ACTR3C: variants seen among roughly 807,000 people sequenced by gnomAD.
ACTR3C encodes actin-related protein 3C.
Under a neutral mutation model 26.3 loss-of-function variants are expected in ACTR3C, and 18 were observed. The ratio of observed to expected loss-of-function variants is 0.68; its 90% CI spans 0.47 to 1.01. The LOEUF is 1.01. ACTR3C is among the 50% of genes least tolerant of loss of function. ACTR3C has a pLI of 0.00. For missense variants in ACTR3C, 184 were observed against 250.7 expected, an observed-to-expected ratio of 0.73 and a Z score of 1.80; for synonymous variants, 55 against 94.5, an observed-to-expected ratio of 0.58 and a Z score of 2.42.
At chr7:150,021,209 T>C in the ACTR3C span, among the ~76,000 whole-genome samples, 7 of 151,882 alleles carry the variant, frequency 4.6e-5, no homozygotes, top group East Asian at 1.2e-3. Context: ...GTCAGTGCCC[T>C]AGCTGCAGAC....
the ACTR3C span, among the ~76,000 whole-genome samples, chr7:149,936,117 G>A: frequency 2.6e-5 from 4 of 152,288 alleles, no homozygotes; most frequent in South Asian, 2.1e-4. Flanking sequence ...GTGACAGAAC[G>A]AGGTAGGTTT....
At chr7:150,264,082 G>C (rs925353227) in intron 6 of ACTR3C, among the ~76,000 whole-genome samples, 6 of 152,154 alleles carry the variant, frequency 3.9e-5, no homozygotes, top group African/African-American at 1.4e-4. Flanking sequence ...ACCACCCCAC[G>C]AGTAGGCCCC....
the ACTR3C span, among the ~76,000 whole-genome samples, chr7:150,226,207 G>A: frequency 6.6e-6 from 1 of 152,146 alleles, no homozygotes; most frequent in African/African-American, 2.4e-5. Flanking sequence ...CCTTTGGGTA[G>A]ATATCTAGGA....
At chr7:150,008,551 C>T in the ACTR3C span, among the ~76,000 whole-genome samples, 4 of 152,128 alleles carry the variant, frequency 2.6e-5, no homozygotes, top group African/African-American at 9.7e-5. Context: ...CTCAGGAAAG[C>T]ACGAGTTTCT....
At chr7:150,041,874 GT>G in the ACTR3C span, among the ~76,000 whole-genome samples, 151 of 144,326 alleles carry the variant, frequency 1.0e-3, no homozygotes, top group African/African-American at 3.8e-3. Context: ...TCTCGTGAGG[GT>G]TGCCTCCCCC....
the ACTR3C span, among the ~76,000 whole-genome samples, chr7:150,073,267 G>A: frequency 4.6e-5 from 7 of 152,074 alleles, no homozygotes; most frequent in Non-Finnish European, 8.8e-5. Context: ...TGCAGAAGAC[G>A]GACAAGTGCT....
the ACTR3C span, among the ~76,000 whole-genome samples, chr7:150,034,638 T>TCGGAC: frequency 1.5e-3 from 219 of 150,474 alleles, 1 homozygote; most frequent in African/African-American, 4.9e-3. Context: ...CGAGCTGCCT[T>TCGGAC]CGGACCCGTC....
chr7:150,144,429 T>G, the ACTR3C span, among the ~76,000 whole-genome samples: 3 of 152,198 alleles, frequency 2.0e-5, no homozygotes, highest in Non-Finnish European at 4.4e-5. The surrounding 1 kb of genome is among the most constrained non-coding windows in gnomAD (Gnocchi z 4.6). Context: ...TAATTTATAT[T>G]TTATTACCTG....
the ACTR3C span, among the ~76,000 whole-genome samples, chr7:150,160,939 T>C: frequency 6.8e-6 from 1 of 147,080 alleles, no homozygotes; most frequent in Non-Finnish European, 1.5e-5. Flanking sequence ...TCCATGAGGG[T>C]CCCATGGTGG....
chr7:150,063,542 G>T, the ACTR3C span, among the ~76,000 whole-genome samples: 1 of 151,498 alleles, frequency 6.6e-6, no homozygotes, highest in African/African-American at 2.5e-5. Context: ...CTCTTGTACA[G>T]TGTACTTACT....
chr7:150,030,701 C>T, the ACTR3C span, among the ~76,000 whole-genome samples: 1 of 152,196 alleles, frequency 6.6e-6, no homozygotes. Flanking sequence ...TTGTCTCTGC[C>T]AAACTCTAGC....
the ACTR3C span, among the ~76,000 whole-genome samples, chr7:150,042,418 G>A: frequency 6.4e-4 from 95 of 148,386 alleles, no homozygotes; most frequent in Middle Eastern, 3.6e-3. Flanking sequence ...TCCCCGCGTC[G>A]CGAGGGGTGC....
chr7:150,250,983 A>G (rs13232709), intron 6 of ACTR3C, among the ~76,000 whole-genome samples: 1 of 152,226 alleles, frequency 6.6e-6, no homozygotes, highest in East Asian at 1.9e-4. Flanking sequence ...ATGGAACCAT[A>G]CAAATGTAAA....
chr7:150,199,010 C>G, the ACTR3C span, among the ~76,000 whole-genome samples: 1 of 144,296 alleles, frequency 6.9e-6, no homozygotes, highest in Admixed American at 6.7e-5. Flanking sequence ...CCCGGCCAGC[C>G]GCCCCGTCCG....
chr7:150,183,696 CAAAA>C, the ACTR3C span, among the ~76,000 whole-genome samples: 10 of 48,036 alleles, frequency 2.1e-4, no homozygotes, highest in African/African-American at 2.8e-4. Context: ...GTGGCTATGG[CAAAA>C]AAAAAAAAAA....
At chr7:150,077,803 T>C in the ACTR3C span, among the ~76,000 whole-genome samples, 3 of 152,234 alleles carry the variant, frequency 2.0e-5, no homozygotes, top group East Asian at 5.8e-4. Context: ...TGTCTCATCC[T>C]AGTGCAAAGA....
the ACTR3C span, among the ~76,000 whole-genome samples, chr7:150,007,859 G>A: frequency 6.6e-6 from 1 of 151,950 alleles, no homozygotes; most frequent in African/African-American, 2.4e-5. Flanking sequence ...TCACTTTACT[G>A]GGGAGAACGG....
the ACTR3C span, among the ~76,000 whole-genome samples, chr7:150,083,591 T>C: frequency 3.3e-5 from 5 of 152,136 alleles, no homozygotes; most frequent in African/African-American, 1.2e-4. Flanking sequence ...TTGTTAACTA[T>C]AGTCACCCTA....
the ACTR3C span, among the ~76,000 whole-genome samples, chr7:150,051,401 A>C: frequency 6.8e-6 from 1 of 146,328 alleles, no homozygotes; most frequent in East Asian, 2.2e-4. Flanking sequence ...CACACACACA[A>C]ACAAGGAAAA....
Sources: allele counts gnomAD v4.1 joint callset (sites outside exome capture counted in the v4.1 genomes callset), GRCh38; gene constraint gnomAD v4.1.1; non-coding constraint Gnocchi (gnomAD v3.1); transcripts MANE v1.5; gene names NCBI Gene and HGNC (gene_info 2026-07-23, HGNC 2026-07-21).